LRRC75A: variants seen among roughly 807,000 people sequenced by gnomAD.
LRRC75A encodes the protein leucine rich repeat containing 75A.
In LRRC75A, 12 loss-of-function variants were observed where a neutral mutation model predicts 26.0. That is an observed-to-expected ratio of 0.46 (90% confidence interval 0.30 to 0.75). The LOEUF (loss-of-function observed/expected upper bound fraction) is 0.75, where lower values mean the gene tolerates loss of function less well. LRRC75A is among the 30% of genes least tolerant of loss of function. The pLI is 0.08. For synonymous variants in LRRC75A, 223 were observed against 219.3 expected (o/e 1.02, Z -0.15); for missense variants, 410 against 486.6 (o/e 0.84, Z 1.48).
chr17:16,445,273 C>T (rs2093574329), intron 3 of LRRC75A, among the ~76,000 whole-genome samples: 1 of 145,966 alleles, frequency 6.9e-6, no homozygotes, highest in Non-Finnish European at 1.5e-5. Context: ...TCAAGCGATT[C>T]TCCTGCCTCA....
intron 1 of LRRC75A, among the ~76,000 whole-genome samples, chr17:16,466,661 C>T (rs566401): frequency 0.3 from 45,607 of 151,982 alleles, 7,982 homozygotes; most frequent in Non-Finnish European, 0.38. Flanking sequence ...GAGTCACTCT[C>T]GGCTCCCTTT....
chr17:16,464,515 C>T (rs1485205326), intron 1 of LRRC75A, among the ~76,000 whole-genome samples: 1 of 152,220 alleles, frequency 6.6e-6, no homozygotes, highest in African/African-American at 2.4e-5. Context: ...CCAAGTGTTA[C>T]ATGTAAAGCC....
intron 1 of LRRC75A, among the ~76,000 whole-genome samples, chr17:16,483,426 G>A (rs988681818): frequency 1.4e-4 from 21 of 152,342 alleles, no homozygotes; most frequent in African/African-American, 5.1e-4. Flanking sequence ...TCCCCTCTCT[G>A]TCCTGGGACC....
At position 16,442,068 on chromosome 17, in the gene LRRC75A, C is replaced by T. The variant is rs1464232551; in HGVS notation, c.*1520G>A. 1.3e-5 allele frequency: 2 copies of T among 152,588 alleles called. No individual in the cohort carries two copies. The highest frequency in any genetic ancestry group is 2.4e-5 in the African/African-American group (1 of 41,556). The allele number at this position is 152,588 out of a possible 1,614,324, so 9.5% of individuals were successfully genotyped here. Reference sequence around the variant, plus strand: ...AAAAGTAAATTTCGCCTACTGTTGTCAGATATTAGCAGTCCAGATATTCGC... The same window carrying T: ...AAAAGTAAATTTCGCCTACTGTTGTTAGATATTAGCAGTCCAGATATTCGC... On this transcript the variant is annotated 3_prime_UTR_variant, in exon 4 of 4. Transcript: ENST00000470794.
intron 2 of LRRC75A, among the ~76,000 whole-genome samples, chr17:16,459,132 G>A (rs2093708111): frequency 6.6e-6 from 1 of 152,182 alleles, no homozygotes; most frequent in African/African-American, 2.4e-5. Flanking sequence ...GGAATATGTT[G>A]CCTGCTTCCT....
At chr17:16,477,565 C>G (rs1391613387) in intron 1 of LRRC75A, among the ~76,000 whole-genome samples, 1 of 152,236 alleles carries the variant, frequency 6.6e-6, no homozygotes, top group African/African-American at 2.4e-5. Flanking sequence ...CACCTCTCCA[C>G]GCTTGGCCAC....
chr17:16,489,404 T>TGTCTTGCTGAGGAAGAGG (rs2093852953), intron 1 of LRRC75A, among the ~76,000 whole-genome samples: 1 of 152,216 alleles, frequency 6.6e-6, no homozygotes, highest in Non-Finnish European at 1.5e-5. Context: ...CTTTACTGGC[T>TGTCTTGCTGAGGAAGAGG]GTCTTGCTGA....
chr17:16,458,471 CT>C (rs1179428388), intron 2 of LRRC75A, among the ~76,000 whole-genome samples: 38 of 146,448 alleles, frequency 2.6e-4, no homozygotes, highest in Non-Finnish European at 2.3e-4. Flanking sequence ...CTGCCAACTT[CT>C]TTTTTTTTTT....
rs372363784 is a variant in LRRC75A, at chr17:16,444,107, G to C, written c.516C>G (p.Ser172Arg). The C allele has an allele frequency of 1.2e-6, 2 of 1,605,062 alleles. No individual in the cohort carries two copies. Among genetic ancestry groups the C allele is most frequent in the Admixed American group, 3.4e-5 (2 of 59,482 alleles). The change falls in exon 4 of 4, where the codon AGC becomes AGG. Residue 172 changes from serine to arginine, a missense_variant. Transcript: ENST00000470794. Reference protein sequence around the residue: ...QACLKAVLAGSPPDNTVDLSG... With the variant: ...QACLKAVLAGRPPDNTVDLSG... ...ACAGGTCCACTGTGTTGTCTGGGGG[G>C]CTTCCGGCCAGGACAGCCTTGAGGC...
intron 1 of LRRC75A, among the ~76,000 whole-genome samples, chr17:16,483,176 T>C (rs763185444): frequency 6.6e-5 from 10 of 152,190 alleles, no homozygotes; most frequent in Admixed American, 1.3e-4. Context: ...TGCCCCAGCC[T>C]CATTACCCTC....
chr17:16,450,616 G>A (rs2093623666), intron 2 of LRRC75A, among the ~76,000 whole-genome samples: 1 of 152,234 alleles, frequency 6.6e-6, no homozygotes, highest in South Asian at 2.1e-4. Context: ...CCCTGGAGCT[G>A]ACATCTTTTG....
At chr17:16,459,002 A>C (rs2093706992) in intron 2 of LRRC75A, among the ~76,000 whole-genome samples, 1 of 152,200 alleles carries the variant, frequency 6.6e-6, no homozygotes. Context: ...CTGGCAATAC[A>C]GCTTGTCCTC....
chr17:16,470,482 G>C (rs2093801697), intron 1 of LRRC75A: 1 of 152,178 alleles, frequency 6.6e-6, no homozygotes, highest in Admixed American at 6.5e-5. Flanking sequence ...TTAGAGTCCG[G>C]AGAGCAAGCA....
At chr17:16,452,269 C>T (rs1181041486) in intron 2 of LRRC75A, among the ~76,000 whole-genome samples, 2 of 149,982 alleles carry the variant, frequency 1.3e-5, no homozygotes, top group Non-Finnish European at 3.0e-5. Flanking sequence ...AGGTAGGAGG[C>T]TCTTGAGCCC....
At chr17:16,484,654 G>A (rs927559986) in intron 1 of LRRC75A, among the ~76,000 whole-genome samples, 4 of 152,164 alleles carry the variant, frequency 2.6e-5, no homozygotes, top group Non-Finnish European at 4.4e-5. Flanking sequence ...CTCACCCAGG[G>A]AAGGGAAAAA....
At chr17:16,474,853 C>T (rs921028596) in intron 1 of LRRC75A, among the ~76,000 whole-genome samples, 5 of 151,706 alleles carry the variant, frequency 3.3e-5, no homozygotes, top group South Asian at 2.1e-4. Context: ...ATTAGCCGGG[C>T]GTGGTGGTGG....
chr17:16,449,109 T>G (rs564557305), intron 2 of LRRC75A, among the ~76,000 whole-genome samples: 2 of 152,202 alleles, frequency 1.3e-5, no homozygotes, highest in East Asian at 3.9e-4. Context: ...CGCTGAGGCT[T>G]GGATGCAAGC....
chr17:16,444,044 C>A lies in LRRC75A; in HGVS notation c.579G>T (p.Val193=). ...CCCCACAGCGCTGTAGGTAGCTGGT[C>A]ACCCGCTCCAGGTCTCGGGAGGTCA... The part of the protein sequence containing the change: ...IPLTSRDLER[V]TSYLQRCGEQ... Residue 193 remains valine (V), a synonymous_variant, in exon 4 of 4, where the codon GTG becomes GTT. Coordinates refer to ENST00000470794, the MANE Select transcript of LRRC75A (RefSeq NM_001113567.3). 8 of 1,613,478 alleles carry A rather than the reference C, an allele frequency of 5.0e-6. No individual in the cohort carries two copies. Among genetic ancestry groups the A allele is most frequent in the Non-Finnish European group, 6.8e-6 (8 of 1,179,734 alleles).
rs778972374 is a variant in LRRC75A at position 16,444,124 on chromosome 17, C to T, written c.499G>A (p.Ala167Thr). 5 of 1,592,632 alleles carry T rather than the reference C, an allele frequency of 3.1e-6. No homozygotes were observed. Among genetic ancestry groups the T allele is most frequent in the Non-Finnish European group, 4.3e-6 (5 of 1,165,764 alleles). Residue 167 changes from alanine (A) to threonine (T), a missense_variant, in exon 4 of 4, where the codon GCT becomes ACT. Ala to Thr is a moderately conservative substitution (Grantham distance 58). Coordinates refer to ENST00000470794, the MANE Select transcript of LRRC75A (RefSeq NM_001113567.3). The part of the protein sequence containing the change: ...VKRKPQACLK[A>T]VLAGSPPDNT... ...TCTGGGGGGCTTCCGGCCAGGACAG[C>T]CTTGAGGCTGAAGGGAAAAAGGACA...
Sources: allele counts gnomAD v4.1 joint callset (sites outside exome capture counted in the v4.1 genomes callset), GRCh38; gene constraint gnomAD v4.1.1; transcripts MANE v1.5; gene names NCBI Gene and HGNC (gene_info 2026-07-23, HGNC 2026-07-21).